The following GOLGA2 variants were observed in gnomAD, a reference collection of about 807,000 sequenced individuals.
GOLGA2 encodes the protein golgin A2.
In GOLGA2, 49 loss-of-function variants were observed where a neutral mutation model predicts 148.8. The ratio of observed to expected loss-of-function variants is 0.33; its 90% CI spans 0.26 to 0.42. GOLGA2 has a LOEUF of 0.42. Among genes scored for constraint, GOLGA2 ranks in the 10% least tolerant of loss-of-function variants. GOLGA2 has a pLI of 1.00. For missense variants in GOLGA2, 1,178 were observed against 1,304.6 expected, an observed-to-expected ratio of 0.90 and a Z score of 1.49; for synonymous variants, 501 against 511.8, an observed-to-expected ratio of 0.98 and a Z score of 0.28.
At chr9:128,269,724 G>A (rs1369572548) in intron 3 of GOLGA2, among the ~76,000 whole-genome samples, 2 of 152,206 alleles carry the variant, frequency 1.3e-5, no homozygotes, top group East Asian at 3.8e-4. Flanking sequence ...AAAACACCAG[G>A]GAGCCAGGGC....
intron 12 of GOLGA2, among the ~76,000 whole-genome samples, chr9:128,265,243 C>T (rs923164946): frequency 6.6e-6 from 1 of 152,216 alleles, no homozygotes; most frequent in African/African-American, 2.4e-5. Flanking sequence ...CCTCTCTCTA[C>T]ACAAATGGTA....
chr9:128,263,237 C>T, intron 12 of GOLGA2, 145 bp from the exon 13 acceptor site: 1 of 676,314 alleles, frequency 1.5e-6, no homozygotes. Context: ...TTTCCAAGCC[C>T]ATGGTCTCAT....
At position 128,260,084 on chromosome 9, in the gene GOLGA2, T is replaced by TCAGCTCGCTCAGCTTCTCCTG. The variant is rs765799898; in HGVS notation, c.1843_1863dup (p.Gln615_Leu621dup). The TCAGCTCGCTCAGCTTCTCCTG allele has an allele frequency of 1.2e-6, 2 of 1,608,068 alleles. No individual in the cohort carries two copies. Among genetic ancestry groups the TCAGCTCGCTCAGCTTCTCCTG allele is most frequent in the Non-Finnish European group, 1.7e-6 (2 of 1,178,226 alleles). ...GGATGGGGCGGGGTTACCGTTTCCTTCAGCTCGCTCAGCTTCTCCTGCAGC... is the reference window on the plus strand; with the variant it reads ...GGATGGGGCGGGGTTACCGTTTCCTTCAGCTCGCTCAGCTTCTCCTGCAGCTCGCTCAGCTTCTCCTGCAGC... On this transcript the variant is annotated inframe_insertion, in exon 19 of 27. Coordinates refer to ENST00000611957, the MANE Select transcript of GOLGA2 (RefSeq NM_001366244.2). This position sits in a 1 kb window ranked among gnomAD's most constrained non-coding sequence, Gnocchi z 4.8.
chr9:128,262,021 T>C (rs184289642), intron 14 of GOLGA2: 16 of 455,410 alleles, frequency 3.5e-5, no homozygotes, highest in Non-Finnish European at 5.1e-5. Flanking sequence ...CTCGGCAACA[T>C]GGCAAAGCCC....
At position 128,260,951 on chromosome 9, in the gene GOLGA2, G is replaced by A. The variant is rs555266409; in HGVS notation, c.1421-149C>T. The A allele has an allele frequency of 3.4e-5, 23 of 682,788 alleles. No homozygotes were observed. The African/African-American group carries it at 4.0e-4, about 12-fold the overall frequency. 42.3% of individuals were successfully genotyped at this position (682,788 alleles called of 1,614,324 possible). A position where few individuals can be genotyped will look rare whatever the true frequency, so the allele number is the denominator to read the frequency against. On this transcript the variant is annotated intron_variant, in intron 17 of 26. Coordinates refer to ENST00000611957, the MANE Select transcript of GOLGA2 (RefSeq NM_001366244.2). The surrounding 1 kb of genome is among the most constrained non-coding windows in gnomAD (Gnocchi z 4.8). ...TAGCCAATCTTCCAAACCACTTTCC[G>A]ATAGCGACAACTGTGGGTGGCTGAC...
chr9:128,263,432 T>C (rs1306682930), intron 12 of GOLGA2, among the ~76,000 whole-genome samples: 1 of 152,034 alleles, frequency 6.6e-6, no homozygotes. Flanking sequence ...TTTTGTTTTG[T>C]TTTTTCTGAG....
chr9:128,273,960 G>T lies in GOLGA2; in HGVS notation c.97C>A (p.Gln33Lys). 1 of 1,612,942 alleles carries T rather than the reference G, an allele frequency of 6.2e-7. No homozygotes were observed. Among genetic ancestry groups the T allele is most frequent in the Non-Finnish European group, 8.5e-7 (1 of 1,179,032 alleles). ...GGAACACCAGGGCTATTCCTCTGCT[G>T]ATATTCTCTCAACTGTGGAAAAGAA... Reference protein sequence around the residue: ...AAAKKKLREYQQRNSPGVPTG... With the variant: ...AAAKKKLREYKQRNSPGVPTG... The change falls in exon 2 of 27, where the codon CAG (glutamine) becomes AAG (lysine). Residue 33 changes from glutamine to lysine, a missense_variant. This residue lies in a region of GOLGA2 where 158 missense variants were observed against 156.6 expected (regional missense o/e 1.01). Transcript: ENST00000611957.
rs574032580 is a variant in GOLGA2 at position 128,257,359 on chromosome 9, C to A, written c.2875+10G>T. 6.2e-7 allele frequency: 1 copy of A among 1,613,070 alleles called. No individual in the cohort carries two copies. Among genetic ancestry groups the A allele is most frequent in the Admixed American group, 1.7e-5 (1 of 60,024 alleles). The stretch of plus-strand genomic sequence containing the variant: ...CCTGCCTGCCCACCCCTCCCGAGGG[C>A]TCTACTCACCACCCTGCTGGTTGGC... On this transcript the variant is annotated intron_variant, in intron 26 of 26. Coordinates refer to ENST00000611957, the MANE Select transcript of GOLGA2 (RefSeq NM_001366244.2). This position sits in a 1 kb window ranked among gnomAD's most constrained non-coding sequence, Gnocchi z 8.0.
Position 128,260,436 on chromosome 9 carries a change from G to C in GOLGA2, c.1758+29C>G. The C allele has an allele frequency of 6.4e-7, 1 of 1,561,606 alleles. No individual in the cohort carries two copies. The highest frequency in any genetic ancestry group is 1.7e-5 in the Admixed American group (1 of 59,320). On this transcript the variant is annotated intron_variant, in intron 18 of 26. Transcript: ENST00000611957. The surrounding 1 kb of genome is among the most constrained non-coding windows in gnomAD (Gnocchi z 4.8). ...CAAAGGTCTGGAGGGCTAGGGAGGAGGGCGGGCTCTCCAGGTGGGGCAGCG... is the reference window on the plus strand; with the variant it reads ...CAAAGGTCTGGAGGGCTAGGGAGGACGGCGGGCTCTCCAGGTGGGGCAGCG...
At position 128,257,052 on chromosome 9, in the gene GOLGA2, G is replaced by A. The variant is rs1167208399; in HGVS notation, c.*15C>T. On this transcript the variant is annotated 3_prime_UTR_variant, in exon 27 of 27. Coordinates refer to ENST00000611957, the MANE Select transcript of GOLGA2 (RefSeq NM_001366244.2). The surrounding 1 kb of genome is among the most constrained non-coding windows in gnomAD (Gnocchi z 8.0). ...CAGCCCCACTTCTTCAGGCTTTGCTGACAGTAGCCGGCTTTTAGATGACAG... is the reference window on the plus strand; with the variant it reads ...CAGCCCCACTTCTTCAGGCTTTGCTAACAGTAGCCGGCTTTTAGATGACAG... 1.3e-6 allele frequency: 2 copies of A among 1,595,394 alleles called. No individual in the cohort carries two copies. The highest frequency in any genetic ancestry group is 2.2e-5 in the East Asian group (1 of 44,714).
chr9:128,268,494 G>A lies in GOLGA2; in HGVS notation c.319C>T (p.Pro107Ser), dbSNP rs1423684962. 1 of 1,611,036 alleles carries A rather than the reference G, an allele frequency of 6.2e-7. No homozygotes were observed. The highest frequency in any genetic ancestry group is 8.5e-7 in the Non-Finnish European group (1 of 1,177,996). Residue 107 changes from proline (P) to serine (S), a missense_variant, in exon 4 of 27, where the codon CCA becomes TCA. Physicochemically the swap from Pro to Ser is moderately conservative, Grantham distance 74. This residue lies in a region of GOLGA2 where 158 missense variants were observed against 156.6 expected (regional missense o/e 1.01). Transcript: ENST00000611957. Reference protein sequence around the residue: ...TPKDNAATLQPSDDTVLPGGV... With the variant: ...TPKDNAATLQSSDDTVLPGGV... ...CCAGGTAACACGGTGTCATCAGATGGTTGTAGAGTAGCAGCATTGTCCTTG... is the reference window on the plus strand; with the variant it reads ...CCAGGTAACACGGTGTCATCAGATGATTGTAGAGTAGCAGCATTGTCCTTG...
chr9:128,266,155 A>G lies in GOLGA2; in HGVS notation c.681+132T>C. ...CCAGGTTATCAGGGACCCTGTGGGG[A>G]TGGGGTGGAATCTGGGGGGGTGAGC... On this transcript the variant is annotated intron_variant, in intron 9 of 26. Coordinates refer to ENST00000611957, the MANE Select transcript of GOLGA2 (RefSeq NM_001366244.2). This position sits in a 1 kb window ranked among gnomAD's most constrained non-coding sequence, Gnocchi z 4.2. The G allele has an allele frequency of 7.4e-7, 1 of 1,356,420 alleles. No homozygotes were observed. The allele number at this position is 1,356,420 out of a possible 1,614,324, so 84.0% of individuals were successfully genotyped here. A position where few individuals can be genotyped will look rare whatever the true frequency, so the allele number is the denominator to read the frequency against.
chr9:128,263,404 C>A (rs1237241367), intron 12 of GOLGA2, among the ~76,000 whole-genome samples: 2 of 152,104 alleles, frequency 1.3e-5, no homozygotes, highest in African/African-American at 2.4e-5. Context: ...GCGTGCACCA[C>A]CATGTCCGGC....
chr9:128,270,897 A>C (rs1274734770), intron 3 of GOLGA2, among the ~76,000 whole-genome samples: 1 of 151,926 alleles, frequency 6.6e-6, no homozygotes, highest in African/African-American at 2.4e-5. Flanking sequence ...AATACAAAAA[A>C]AATGGCCGGG....
chr9:128,260,388 G>A lies in GOLGA2; in HGVS notation c.1758+77C>T, dbSNP rs1251660473. 2.4e-6 allele frequency: 3 copies of A among 1,241,824 alleles called. No homozygotes were observed. Among genetic ancestry groups the A allele is most frequent in the East Asian group, 2.3e-5 (1 of 43,130 alleles). 76.9% of individuals were successfully genotyped at this position (1,241,824 alleles called of 1,614,324 possible). On this transcript the variant is annotated intron_variant, in intron 18 of 26. Coordinates refer to ENST00000611957, the MANE Select transcript of GOLGA2 (RefSeq NM_001366244.2). The surrounding 1 kb of genome is among the most constrained non-coding windows in gnomAD (Gnocchi z 4.8). ...TACCATTTCAAGTGAGGGCTACACTGCCCCACTTTACAGGTGGGAAAACAA... is the reference window on the plus strand; with the variant it reads ...TACCATTTCAAGTGAGGGCTACACTACCCCACTTTACAGGTGGGAAAACAA...
At chr9:128,264,785 T>C (rs1025947038) in intron 12 of GOLGA2, among the ~76,000 whole-genome samples, 10 of 152,218 alleles carry the variant, frequency 6.6e-5, no homozygotes, top group Non-Finnish European at 1.5e-4. Flanking sequence ...ATATTGCTAT[T>C]GTTATTATCA....
intron 8 of GOLGA2, 58 bp downstream of exon 8, chr9:128,267,136 G>A (rs1830639394): frequency 3.4e-6 from 4 of 1,174,968 alleles, no homozygotes; most frequent in Admixed American, 3.4e-5. Context: ...GGGTCCCAAG[G>A]GGAAACTGGA....
At position 128,261,568 on chromosome 9, in the gene GOLGA2, G is replaced by C. The variant is rs371152837; in HGVS notation, c.1225-7C>G. ...GTCTAACCGACTCCATTACCTGCAA[G>C]AATGGCCACAGAAATGAGGAAGGAC... On this transcript the variant is annotated splice_region_variant and splice_polypyrimidine_tract_variant and intron_variant, in intron 15 of 26. Transcript: ENST00000611957. The surrounding 1 kb of genome is among the most constrained non-coding windows in gnomAD (Gnocchi z 5.7). 8.3e-6 allele frequency: 13 copies of C among 1,564,220 alleles called. No homozygotes were observed. The Middle Eastern group carries it at 1.2e-3, about 141-fold the overall frequency.
In GOLGA2 at chr9:128,268,419, C is replaced by T. The variant is rs773211014; in HGVS notation, c.393+1G>A. The T allele has an allele frequency of 1.3e-6, 2 of 1,566,892 alleles. No homozygotes were observed. The highest frequency in any genetic ancestry group is 1.8e-6 in the Non-Finnish European group (2 of 1,137,406). On this transcript the variant is annotated splice_donor_variant, in intron 4 of 26. Coordinates refer to ENST00000611957, the MANE Select transcript of GOLGA2 (RefSeq NM_001366244.2). LOFTEE classifies it high-confidence loss of function. ...TGGGCAGAGGGGGAGGAGGCACGAA[C>T]CTGAGATGCCGCCATGCTAGTGAGA...
Sources: allele counts gnomAD v4.1 joint callset (sites outside exome capture counted in the v4.1 genomes callset), GRCh38; gene constraint gnomAD v4.1.1; regional missense constraint gnomAD v4.1.1; non-coding constraint Gnocchi (gnomAD v3.1); transcripts MANE v1.5; gene names NCBI Gene and HGNC (gene_info 2026-07-23, HGNC 2026-07-21).